The following CSGALNACT1 variants were observed in gnomAD, a reference collection of about 807,000 sequenced individuals.
CSGALNACT1 encodes beta4GalNAcT-1.
Under a neutral mutation model 51.0 loss-of-function variants are expected in CSGALNACT1, and 52 were observed. That is an observed-to-expected ratio of 1.02 (90% CI 0.82 to 1.29). CSGALNACT1 has a LOEUF of 1.29. Ranked by LOEUF, CSGALNACT1 falls within the 50% of genes most tolerant of loss-of-function variation. CSGALNACT1 has a pLI of 0.00. For missense variants in CSGALNACT1, 935 were observed against 679.2 expected, an observed-to-expected ratio of 1.38 and a Z score of -4.19; for synonymous variants, 341 against 254.4, an observed-to-expected ratio of 1.34 and a Z score of -3.24.
intron 7 of CSGALNACT1, among the ~76,000 whole-genome samples, chr8:19,420,070 C>T (rs1369494232): frequency 1.3e-5 from 2 of 152,230 alleles, no homozygotes; most frequent in Non-Finnish European, 2.9e-5. Flanking sequence ...GCTCCTCCTT[C>T]ACCTTCTTCC....
chr8:19,632,213 T>C (rs1295860444), intron 1 of CSGALNACT1, among the ~76,000 whole-genome samples: 1 of 152,250 alleles, frequency 6.6e-6, no homozygotes, highest in Non-Finnish European at 1.5e-5. Context: ...GACTTTATGA[T>C]GTGGTAACTT....
chr8:19,484,264 G>A (rs533929711), intron 4 of CSGALNACT1, among the ~76,000 whole-genome samples: 6 of 137,472 alleles, frequency 4.4e-5, no homozygotes, highest in Admixed American at 1.4e-4. Flanking sequence ...ATTCTCCACC[G>A]AATAAGAAAA....
intron 5 of CSGALNACT1, among the ~76,000 whole-genome samples, chr8:19,452,575 A>G (rs1249611415): frequency 6.6e-6 from 1 of 152,176 alleles, no homozygotes; most frequent in Non-Finnish European, 1.5e-5. Flanking sequence ...ATCCCACAGA[A>G]GCGATAGAAA....
intron 6 of CSGALNACT1, among the ~76,000 whole-genome samples, chr8:19,432,419 A>T (rs2059774933): frequency 6.6e-6 from 1 of 152,170 alleles, no homozygotes; most frequent in African/African-American, 2.4e-5. Flanking sequence ...GATTTCTATG[A>T]ATTTATTCTA....
intron 1 of CSGALNACT1, among the ~76,000 whole-genome samples, chr8:19,724,703 G>A (rs950679968): frequency 5.3e-5 from 8 of 152,218 alleles, no homozygotes; most frequent in African/African-American, 9.6e-5. Flanking sequence ...AAGATACAAC[G>A]AAGGTGCAAT....
chr8:19,421,598 G>T (rs2153699228), intron 6 of CSGALNACT1, among the ~76,000 whole-genome samples: 1 of 152,188 alleles, frequency 6.6e-6, no homozygotes, highest in East Asian at 1.9e-4. Flanking sequence ...TCTCTCTACT[G>T]TTTCTTTCCA....
At chr8:19,691,594 C>T (rs963320527) in intron 1 of CSGALNACT1, among the ~76,000 whole-genome samples, 4 of 152,180 alleles carry the variant, frequency 2.6e-5, no homozygotes, top group East Asian at 1.9e-4. Context: ...CTGACGATAA[C>T]GCAGGCTTGA....
At chr8:19,493,529 C>A (rs75130946) in intron 4 of CSGALNACT1, among the ~76,000 whole-genome samples, 23,238 of 152,186 alleles carry the variant, frequency 0.15, 1,954 homozygotes, top group Middle Eastern at 0.23. Flanking sequence ...GGCAAACACT[C>A]GTCTATTCTC....
intron 3 of CSGALNACT1, among the ~76,000 whole-genome samples, chr8:19,507,349 C>T (rs10090434): frequency 6.6e-6 from 1 of 151,720 alleles, no homozygotes; most frequent in African/African-American, 2.4e-5. Context: ...TTCACATGCT[C>T]TGCACCTCAA....
At chr8:19,536,445 T>C (rs1297426039) in intron 3 of CSGALNACT1, among the ~76,000 whole-genome samples, 1 of 152,094 alleles carries the variant, frequency 6.6e-6, no homozygotes, top group Admixed American at 6.6e-5. Context: ...TTTAAATACT[T>C]AGGTATAAAT....
intron 3 of CSGALNACT1, among the ~76,000 whole-genome samples, chr8:19,533,025 C>A (rs1487414767): frequency 1.3e-5 from 2 of 152,196 alleles, no homozygotes; most frequent in Non-Finnish European, 2.9e-5. Context: ...TAAGACTTAT[C>A]TTAAATATTA....
chr8:19,676,948 G>C (rs1357131368), intron 1 of CSGALNACT1, among the ~76,000 whole-genome samples: 2 of 152,192 alleles, frequency 1.3e-5, no homozygotes, highest in East Asian at 1.9e-4. Context: ...GACAATGAAA[G>C]AGTTATTAGT....
intron 4 of CSGALNACT1, among the ~76,000 whole-genome samples, chr8:19,476,214 T>C (rs1172062050): frequency 1.3e-5 from 2 of 152,268 alleles, no homozygotes; most frequent in South Asian, 4.2e-4. Flanking sequence ...ACATAGCCAA[T>C]TTGAGTGTAC....
intron 1 of CSGALNACT1, among the ~76,000 whole-genome samples, chr8:19,658,390 A>G (rs561046823): frequency 6.6e-6 from 1 of 152,320 alleles, no homozygotes; most frequent in South Asian, 2.1e-4. Flanking sequence ...TACTTTAACT[A>G]TGTTTCAAGA....
intron 5 of CSGALNACT1, among the ~76,000 whole-genome samples, chr8:19,452,765 G>A (rs2063420221): frequency 6.6e-6 from 1 of 151,972 alleles, no homozygotes; most frequent in Non-Finnish European, 1.5e-5. Context: ...TCTACCCCTT[G>A]GGAAAACAAT....
chr8:19,724,442 G>A (rs1220655982), intron 1 of CSGALNACT1, among the ~76,000 whole-genome samples: 8 of 152,158 alleles, frequency 5.3e-5, no homozygotes, highest in South Asian at 2.1e-4. Flanking sequence ...TTTCTCACAC[G>A]GCATCACTTT....
intron 1 of CSGALNACT1, among the ~76,000 whole-genome samples, chr8:19,755,124 G>A (rs1474262370): frequency 2.0e-5 from 3 of 152,170 alleles, no homozygotes; most frequent in Non-Finnish European, 4.4e-5. Context: ...GGAAAGATGA[G>A]GACCCTTGCA....
At chr8:19,520,912 G>A (rs1487161487) in intron 3 of CSGALNACT1, among the ~76,000 whole-genome samples, 2 of 152,200 alleles carry the variant, frequency 1.3e-5, no homozygotes, top group Non-Finnish European at 2.9e-5. Context: ...TGTTGTCTGT[G>A]CTCTTAAGCA....
At chr8:19,425,356 C>T (rs1254043517) in intron 6 of CSGALNACT1, among the ~76,000 whole-genome samples, 1 of 152,066 alleles carries the variant, frequency 6.6e-6, no homozygotes, top group African/African-American at 2.4e-5. Context: ...CACAAACAAA[C>T]CAAAAAACCA....
Sources: allele counts gnomAD v4.1 joint callset (sites outside exome capture counted in the v4.1 genomes callset), GRCh38; gene constraint gnomAD v4.1.1; transcripts MANE v1.5; gene names NCBI Gene and HGNC (gene_info 2026-07-23, HGNC 2026-07-21).